Variants in MYZAP observed in about 807,000 individuals in gnomAD.
MYZAP encodes the protein myocardial zonula adherens protein, also known as GRINL1A complex locus upstream.
A neutral mutation model predicts 69.4 loss-of-function variants in MYZAP; 66 were observed. The observed-to-expected ratio is 0.95, with a 90% CI of 0.78 to 1.17. The LOEUF is 1.17. MYZAP is among the 50% of genes most tolerant of loss of function. The pLI is 0.00. For synonymous variants in MYZAP, 256 were observed against 205.9 expected, an observed-to-expected ratio of 1.24 and a Z score of -2.09; for missense variants, 611 against 556.2, an observed-to-expected ratio of 1.10 and a Z score of -0.99.
Position 57,661,546 on chromosome 15 carries a change from G to T in MYZAP, c.1203+13G>T, listed in dbSNP as rs759398911. 6.3e-7 allele frequency: 1 copy of T among 1,597,150 alleles called. No homozygotes were observed. Among genetic ancestry groups the T allele is most frequent in the South Asian group, 1.1e-5 (1 of 87,956 alleles). ...CTTAGAAGGAGAGGTAAGGATCTCT[G>T]TTTCTTTAAGTTGGTGTCTTCCCTA... On this transcript the variant is annotated intron_variant, in intron 11 of 12. Transcript: ENST00000267853.
At position 57,660,812 on chromosome 15, in the gene MYZAP, A is replaced by C. The variant is rs192566263; in HGVS notation, c.1120-638A>C. On this transcript the variant is annotated intron_variant, in intron 10 of 12. Transcript: ENST00000267853. Reference sequence around the variant, plus strand: ...GAGACATGATGTATGATTGGAAAACAAAGAGTAGTCTAAGATAGAATATAT... The same window carrying C: ...GAGACATGATGTATGATTGGAAAACCAAGAGTAGTCTAAGATAGAATATAT... 3.7e-3 allele frequency among the ~76,000 whole-genome samples: 554 copies of C among 151,732 alleles called. 5 individuals carry two copies. Among genetic ancestry groups the C allele is most frequent in the African/African-American group, 0.013 (545 of 40,976 alleles).
At chr15:57,674,739 A>T (rs1457882489) in intron 11 of MYZAP, among the ~76,000 whole-genome samples, 1 of 152,230 alleles carries the variant, frequency 6.6e-6, no homozygotes, top group African/African-American at 2.4e-5. Context: ...TTTTGTTTTC[A>T]TTTATGTAAA....
intron 9 of MYZAP, 51 bp from the exon 10 acceptor site, chr15:57,639,389 G>A (rs771743920): frequency 6.3e-6 from 10 of 1,591,376 alleles, no homozygotes; most frequent in African/African-American, 1.3e-5. Flanking sequence ...TGCTACTGCT[G>A]TTGCTGCTTT....
Position 57,618,120 on chromosome 15 carries a change from CA to C in MYZAP, c.251del (p.Gln84ArgfsTer14). The C allele has an allele frequency of 6.2e-7, 1 of 1,614,088 alleles. No individual in the cohort carries two copies. The highest frequency in any genetic ancestry group is 2.2e-5 in the East Asian group (1 of 44,878). ...GGTGCGAAGATCAGATCAAAATCAG[CA>C]GAAAGAAATGGTGGTGTATGGGTGG... ...GVVRRSDQNQ[Q>X]KEMVVYGWST... On this transcript the variant is annotated frameshift_variant, in exon 3 of 13. Coordinates refer to ENST00000267853, the MANE Select transcript of MYZAP (RefSeq NM_001018100.5). LOFTEE classifies it high-confidence loss of function.
In MYZAP at chr15:57,637,778, A is replaced by AG; in HGVS notation, c.1013+5dup. ...TAACTGATTCTGACAAGGAAAGGTA[A>AG]GACGTAATGCCTTTCGTCTTGTAAT... On this transcript the variant is annotated splice_donor_region_variant and intron_variant, in intron 9 of 12. Coordinates refer to ENST00000267853, the MANE Select transcript of MYZAP (RefSeq NM_001018100.5). 6.2e-7 allele frequency: 1 copy of AG among 1,606,948 alleles called. No homozygotes were observed. The highest frequency in any genetic ancestry group is 8.5e-7 in the Non-Finnish European group (1 of 1,175,936).
intron 10 of MYZAP, among the ~76,000 whole-genome samples, chr15:57,659,673 A>T (rs571496822): frequency 5.1e-4 from 77 of 152,332 alleles, no homozygotes; most frequent in African/African-American, 1.7e-3. Context: ...GTATTCTAAT[A>T]ACACTTGGAT....
At chr15:57,599,758 G>A (rs893356215) in intron 1 of MYZAP, 16 of 1,242,960 alleles carry the variant, frequency 1.3e-5, no homozygotes, top group African/African-American at 7.7e-5. Context: ...GGGAGATTGC[G>A]GAAGGTGAAT....
chr15:57,675,134 C>G (rs1007731533), intron 12 of MYZAP, 66 bp downstream of exon 12: 1 of 1,367,006 alleles, frequency 7.3e-7, no homozygotes, highest in African/African-American at 1.5e-5. Context: ...AAATACTTTA[C>G]TAGGCTGTTC....
chr15:57,651,143 G>A (rs1291625909), intron 10 of MYZAP, among the ~76,000 whole-genome samples: 1 of 152,212 alleles, frequency 6.6e-6, no homozygotes, highest in Admixed American at 6.5e-5. Context: ...GCTAGTGCTA[G>A]AGAGTGTTTA....
At chr15:57,665,565 CAGTT>C (rs1435877828) in intron 11 of MYZAP, among the ~76,000 whole-genome samples, 1 of 152,232 alleles carries the variant, frequency 6.6e-6, no homozygotes, top group Admixed American at 6.5e-5. Flanking sequence ...CACATGTCCT[CAGTT>C]AGTCCAGTTC....
At chr15:57,629,088 CAAAAAAAAA>C (rs1274144448) in intron 5 of MYZAP, among the ~76,000 whole-genome samples, 9 of 115,082 alleles carry the variant, frequency 7.8e-5, no homozygotes, top group Admixed American at 2.0e-4. Context: ...GTCTCAAAAA[CAAAAAAAAA>C]AAAAAAAAAA....
chr15:57,598,504 G>A (rs187445628), intron 1 of MYZAP, among the ~76,000 whole-genome samples: 2 of 152,332 alleles, frequency 1.3e-5, no homozygotes, highest in East Asian at 3.9e-4. Context: ...ATATTAAGTG[G>A]TGACGGTACA....
chr15:57,600,451 A>G (rs1269966629), intron 1 of MYZAP, among the ~76,000 whole-genome samples: 1 of 152,152 alleles, frequency 6.6e-6, no homozygotes, highest in East Asian at 1.9e-4. Context: ...TGTATACCTC[A>G]GGGTATTGCT....
intron 4 of MYZAP, among the ~76,000 whole-genome samples, chr15:57,622,676 C>T (rs2035892367): frequency 6.6e-6 from 1 of 152,240 alleles, no homozygotes; most frequent in Non-Finnish European, 1.5e-5. Flanking sequence ...AACTTATGTG[C>T]TGTTGGAAGT....
intron 9 of MYZAP, 27 bp from the exon 10 acceptor site, chr15:57,639,413 T>C: frequency 6.2e-7 from 1 of 1,612,694 alleles, no homozygotes; most frequent in African/African-American, 1.3e-5. Flanking sequence ...TTAGGACTCA[T>C]TTGCTTTTTT....
intron 4 of MYZAP, among the ~76,000 whole-genome samples, chr15:57,623,559 C>G (rs1456185283): frequency 1.3e-5 from 2 of 151,744 alleles, no homozygotes; most frequent in Admixed American, 1.3e-4. Context: ...GTGGTGAAAC[C>G]CTGTCTCTAC....
At chr15:57,638,654 T>A (rs2036957641) in intron 9 of MYZAP, among the ~76,000 whole-genome samples, 1 of 152,144 alleles carries the variant, frequency 6.6e-6, no homozygotes, top group Admixed American at 6.5e-5. Context: ...CAAGCAATGT[T>A]GGAGAATAAA....
rs115648871 is a variant in MYZAP, at chr15:57,655,376, A to G, written c.1120-6074A>G. ...ATGGGCATGAAATGAAAGTGGGAAAATAGGGAGCACAGCGGAAGGGCCTCC... is the reference window on the plus strand; with the variant it reads ...ATGGGCATGAAATGAAAGTGGGAAAGTAGGGAGCACAGCGGAAGGGCCTCC... On this transcript the variant is annotated intron_variant, in intron 10 of 12. Coordinates refer to ENST00000267853, the MANE Select transcript of MYZAP (RefSeq NM_001018100.5). Among the ~76,000 whole-genome samples the G allele has an allele frequency of 1.7e-3, 264 of 152,272 alleles. 1 individual carries two copies. The highest frequency in any genetic ancestry group is 6.2e-3 in the African/African-American group (256 of 41,554).
intron 2 of MYZAP, 62 bp from the exon 3 acceptor site, chr15:57,617,971 T>C (rs2035579868): frequency 1.3e-6 from 2 of 1,557,706 alleles, no homozygotes; most frequent in African/African-American, 1.4e-5. Context: ...GGCCCGTTAT[T>C]ACAACTGTGC....
Sources: allele counts gnomAD v4.1 joint callset (sites outside exome capture counted in the v4.1 genomes callset), GRCh38; gene constraint gnomAD v4.1.1; transcripts MANE v1.5; gene names NCBI Gene and HGNC (gene_info 2026-07-23, HGNC 2026-07-21).